ADAMTSL1: variants seen among roughly 807,000 people sequenced by gnomAD.
ADAMTSL1 encodes the protein ADAMTS-like protein 1.
ADAMTSL1 carries 126 observed loss-of-function variants against 201.8 expected under a neutral mutation model. The observed-to-expected ratio is 0.62, with a 90% CI of 0.54 to 0.72. The LOEUF (loss-of-function observed/expected upper bound fraction) is 0.72. ADAMTSL1 is among the 30% of genes least tolerant of loss of function. ADAMTSL1 has a pLI of 0.00. For missense variants in ADAMTSL1, 2,679 were observed against 2,277.8 expected (o/e 1.18, Z -3.59); for synonymous variants, 1,121 against 903.4 (o/e 1.24, Z -4.32).
At position 18,158,334 on chromosome 9, in the gene ADAMTSL1, G is replaced by A. The variant is rs148907635; in HGVS notation, c.88-5528G>A. On this transcript the variant is annotated intron_variant, in intron 1 of 29. Transcript: ENST00000680146. ...GGAAATTTCTTTAGTAGATGTATATGCTCATGATTTTTTTCTAATCCTTTA... is the reference window on the plus strand; with the variant it reads ...GGAAATTTCTTTAGTAGATGTATATACTCATGATTTTTTTCTAATCCTTTA... 4.1e-3 allele frequency among the ~76,000 whole-genome samples: 629 copies of A among 152,044 alleles called. 5 individuals are homozygous for A. Among genetic ancestry groups the A allele is most frequent in the African/African-American group, 0.014 (600 of 41,530 alleles).
At position 18,390,693 on chromosome 9, in the gene ADAMTSL1, C is replaced by G. The variant is rs916589177; in HGVS notation, c.208-114136C>G. On this transcript the variant is annotated intron_variant, in intron 2 of 29. Transcript: ENST00000680146. ...ACCTCAAGAGAAATCTTCCCCACCT[C>G]CCAGTGGAGGAAAACAAGATACTTG... is the stretch of plus-strand genomic sequence containing the variant. 2.0e-5 allele frequency among the ~76,000 whole-genome samples: 3 copies of G among 152,262 alleles called. No homozygotes were observed. In the East Asian group the frequency reaches 5.8e-4, roughly 29 times the overall value.
intron 1 of ADAMTSL1, among the ~76,000 whole-genome samples, chr9:18,132,324 T>G (rs72699477): frequency 0.039 from 5,886 of 152,266 alleles, 158 homozygotes; most frequent in Non-Finnish European, 0.063. Flanking sequence ...CCCGTCTACC[T>G]TTTGCGTGTG....
intron 2 of ADAMTSL1, among the ~76,000 whole-genome samples, chr9:18,275,799 A>G (rs978897701): frequency 6.6e-6 from 1 of 152,136 alleles, no homozygotes; most frequent in African/African-American, 2.4e-5. Flanking sequence ...TGAGACTATT[A>G]TTAATAAAAC....
At chr9:18,314,941 C>T (rs28525126) in intron 2 of ADAMTSL1, among the ~76,000 whole-genome samples, 10 of 150,766 alleles carry the variant, frequency 6.6e-5, no homozygotes, top group African/African-American at 1.5e-4. Flanking sequence ...GGACTACAGG[C>T]GCCCGCTACC....
chr9:18,315,344 C>T lies in ADAMTSL1; in HGVS notation c.207+151363C>T, dbSNP rs537806962. 5.3e-5 allele frequency among the ~76,000 whole-genome samples: 8 copies of T among 152,208 alleles called. No individual in the cohort carries two copies. The East Asian group carries it at 9.8e-4, about 19-fold the overall frequency. On this transcript the variant is annotated intron_variant, in intron 2 of 29. Transcript: ENST00000680146. ...GTGCATCCCGCGCCAGGGTCGCAGG[C>T]GGAGCTGCCTGTCAGTCCCATGCCA...
chr9:18,130,001 C>A (rs548868938), intron 1 of ADAMTSL1, among the ~76,000 whole-genome samples: 2 of 152,308 alleles, frequency 1.3e-5, no homozygotes, highest in South Asian at 4.1e-4. Context: ...CACTGGGAGT[C>A]TTGGTGAGGC....
chr9:18,672,108 T>C (rs1829855089), intron 9 of ADAMTSL1, among the ~76,000 whole-genome samples: 1 of 151,746 alleles, frequency 6.6e-6, no homozygotes, highest in South Asian at 2.1e-4. Context: ...TTAACTACTT[T>C]AGGATTTTTC....
chr9:17,991,382 G>A (rs1002977698), intron 1 of ADAMTSL1, among the ~76,000 whole-genome samples: 2 of 152,094 alleles, frequency 1.3e-5, no homozygotes, highest in East Asian at 3.9e-4. Flanking sequence ...TATGTAGACA[G>A]GTGGGTCTGA....
intron 13 of ADAMTSL1, among the ~76,000 whole-genome samples, chr9:18,691,840 G>A (rs537868580): frequency 1.8e-4 from 28 of 152,242 alleles, no homozygotes; most frequent in African/African-American, 6.5e-4. Context: ...GTTAATCTGT[G>A]TAAAGTACCT....
At chr9:18,399,571 G>A (rs888719234) in intron 2 of ADAMTSL1, among the ~76,000 whole-genome samples, 15 of 151,054 alleles carry the variant, frequency 9.9e-5, no homozygotes, top group Admixed American at 2.0e-4. Context: ...GGCTGGTCTC[G>A]AACTCCTGAC....
chr9:18,014,848 T>A (rs1820192766), intron 1 of ADAMTSL1, among the ~76,000 whole-genome samples: 2 of 152,094 alleles, frequency 1.3e-5, no homozygotes, highest in Middle Eastern at 3.4e-3. Context: ...ACCAGGAGTG[T>A]ATGCAGCTTG....
chr9:18,709,315 A>G (rs1832418504), intron 14 of ADAMTSL1, among the ~76,000 whole-genome samples: 2 of 152,194 alleles, frequency 1.3e-5, no homozygotes, highest in Admixed American at 1.3e-4. Context: ...ATCAACTTTG[A>G]TCTTTCACCA....
chr9:18,074,554 C>G (rs1417818255), intron 1 of ADAMTSL1, among the ~76,000 whole-genome samples: 1 of 90,240 alleles, frequency 1.1e-5, no homozygotes, highest in Non-Finnish European at 2.3e-5. Context: ...CTTTTCTCTT[C>G]TCTTTTCTTT....
chr9:18,730,006 C>T (rs1371378459), intron 15 of ADAMTSL1, among the ~76,000 whole-genome samples: 5 of 152,120 alleles, frequency 3.3e-5, no homozygotes, highest in Non-Finnish European at 7.4e-5. Context: ...TCAACAGTAG[C>T]AGAGTGGAGT....
At chr9:18,473,649 A>G (rs1007147189), upstream of ADAMTSL1, among the ~76,000 whole-genome samples, 1 of 152,212 alleles carries the variant, frequency 6.6e-6, no homozygotes, top group Non-Finnish European at 1.5e-5. Context: ...ACACATTTAC[A>G]GGGCACATTA....
chr9:18,881,252 C>CTGTT (rs1179857206), intron 23 of ADAMTSL1, among the ~76,000 whole-genome samples: 5 of 152,218 alleles, frequency 3.3e-5, no homozygotes, highest in African/African-American at 1.2e-4. Flanking sequence ...CACAACTTGG[C>CTGTT]TGTTTGGAGC....
chr9:17,940,644 A>G (rs1228684524), intron 1 of ADAMTSL1, among the ~76,000 whole-genome samples: 1 of 151,826 alleles, frequency 6.6e-6, no homozygotes, highest in Non-Finnish European at 1.5e-5. Context: ...TGCATTATAA[A>G]TAACGACTTG....
chr9:18,775,835 C>A lies in ADAMTSL1; in HGVS notation c.2490C>A (p.Thr830=). 2 of 1,606,336 alleles carry A rather than the reference C, an allele frequency of 1.2e-6. No individual in the cohort carries two copies. The highest frequency in any genetic ancestry group is 1.7e-6 in the Non-Finnish European group (2 of 1,176,080). Reference sequence around the variant, plus strand: ...GCCTCTCAACGGTTGTCAATTCCACCCTGTGCCCGCCCCTGCCTTTCTCTT... The same window carrying A: ...GCCTCTCAACGGTTGTCAATTCCACACTGTGCCCGCCCCTGCCTTTCTCTT... ...KTGLSTVVNS[T]LCPPLPFSSS... The change falls in exon 18 of 29, where the codon ACC becomes ACA. Residue 830 remains threonine (T), a synonymous_variant. Transcript: ENST00000380548.
chr9:18,443,327 T>C (rs1820068716), intron 2 of ADAMTSL1, among the ~76,000 whole-genome samples: 1 of 152,260 alleles, frequency 6.6e-6, no homozygotes, highest in Non-Finnish European at 1.5e-5. Context: ...CAACCTTTTA[T>C]GATCTAGCTG....
Sources: gnomAD v4.1 joint callset for allele counts (sites outside exome capture counted in the v4.1 genomes callset) on GRCh38, gnomAD v4.1.1 for gene constraint, MANE v1.5 for transcripts, NCBI Gene and HGNC (gene_info 2026-07-23, HGNC 2026-07-21) for gene names.